Variants in KCNH1 observed in about 807,000 individuals in gnomAD.
The protein encoded by KCNH1 is potassium voltage-gated channel subfamily H member 1.
In KCNH1, 27 loss-of-function variants were observed where a neutral mutation model predicts 69.2. The ratio of observed to expected loss-of-function variants is 0.39; its 90% CI spans 0.29 to 0.54. KCNH1 has a LOEUF of 0.54. Ranked by LOEUF, KCNH1 falls within the 20% of genes least tolerant of loss-of-function variation. The pLI is 0.68. For missense variants in KCNH1, 798 were observed against 1,261.6 expected (o/e 0.63, Z 5.57); for synonymous variants, 456 against 487.7 (o/e 0.93, Z 0.86).
At chr1:210,952,122 C>G (rs980356834) in intron 6 of KCNH1, among the ~76,000 whole-genome samples, 2 of 152,092 alleles carry the variant, frequency 1.3e-5, no homozygotes, top group Admixed American at 6.6e-5. Flanking sequence ...GTCTCTTTAC[C>G]TCCTCTCTCC....
chr1:211,131,470 A>G (rs1691874924), intron 1 of KCNH1, among the ~76,000 whole-genome samples: 1 of 152,192 alleles, frequency 6.6e-6, no homozygotes, highest in African/African-American at 2.4e-5. Flanking sequence ...GATCTGTAAA[A>G]GAGGAACATT....
rs143160853 is a variant in KCNH1 at position 211,126,303 on chromosome 1, G to A, written c.79+7564C>T. 2.1e-3 allele frequency among the ~76,000 whole-genome samples: 315 copies of A among 152,290 alleles called. 6 individuals are homozygous for A. Among genetic ancestry groups the A allele is most frequent in the Non-Finnish European group, 8.5e-4 (58 of 68,026 alleles). On this transcript the variant is annotated intron_variant, in intron 1 of 10. Coordinates refer to ENST00000271751, the MANE Select transcript of KCNH1 (RefSeq NM_172362.3). ...AGGCGGGCGGATCACAAGATCAGGA[G>A]ATCAAGACCATCCTGGCTAACACAG...
chr1:210,860,708 TA>T, intron 7 of KCNH1: 2 of 777,160 alleles, frequency 2.6e-6, no homozygotes, highest in Non-Finnish European at 4.7e-6. Context: ...TGATTGCTGA[TA>T]AATACTTGAA....
intron 10 of KCNH1, among the ~76,000 whole-genome samples, chr1:210,768,855 T>C (rs1348753359): frequency 1.3e-5 from 2 of 152,106 alleles, no homozygotes; most frequent in Non-Finnish European, 2.9e-5. Flanking sequence ...GTTCTCGGGG[T>C]ACTGGGGAAC....
intron 5 of KCNH1, among the ~76,000 whole-genome samples, chr1:211,037,492 CTT>C (rs59386390): frequency 0.26 from 30,294 of 114,762 alleles, 3,391 homozygotes; most frequent in Non-Finnish European, 0.29. Flanking sequence ...TAATTCAGTG[CTT>C]TTTTTTTTTT....
At chr1:210,736,549 C>T (rs771396531) in intron 10 of KCNH1, among the ~76,000 whole-genome samples, 2 of 151,554 alleles carry the variant, frequency 1.3e-5, no homozygotes, top group Non-Finnish European at 2.9e-5. Context: ...ATCCCCCCTC[C>T]AAAAAAAAAT....
intron 8 of KCNH1, 80 bp from the exon 9 acceptor site, chr1:210,797,840 G>A: frequency 6.6e-7 from 1 of 1,508,630 alleles, no homozygotes; most frequent in Non-Finnish European, 9.0e-7. Flanking sequence ...CTAGGGGGAG[G>A]AGCAACATCC....
intron 7 of KCNH1, among the ~76,000 whole-genome samples, chr1:210,840,091 T>A (rs1238880899): frequency 6.6e-6 from 1 of 152,166 alleles, no homozygotes; most frequent in Non-Finnish European, 1.5e-5. Context: ...TTTAATTTTC[T>A]CAGTCTATGA....
chr1:210,818,058 C>T (rs1415474003), intron 7 of KCNH1, among the ~76,000 whole-genome samples: 2 of 152,136 alleles, frequency 1.3e-5, no homozygotes, highest in African/African-American at 4.8e-5. Flanking sequence ...GATCTATGCT[C>T]TGCTGCTTTT....
intron 10 of KCNH1, among the ~76,000 whole-genome samples, chr1:210,720,863 C>T (rs1461072695): frequency 2.0e-5 from 3 of 152,152 alleles, no homozygotes; most frequent in African/African-American, 7.2e-5. Flanking sequence ...TGGGCCTCCT[C>T]ACAGGGTAGT....
At chr1:210,716,335 G>A (rs145830668) in intron 10 of KCNH1, among the ~76,000 whole-genome samples, 1,659 of 150,694 alleles carry the variant, frequency 0.011, 32 homozygotes, top group African/African-American at 0.039. Flanking sequence ...GGGAGGCTGA[G>A]GCAGGAGAAT....
chr1:210,944,542 G>C (rs1432837209), intron 6 of KCNH1, among the ~76,000 whole-genome samples: 1 of 152,158 alleles, frequency 6.6e-6, no homozygotes, highest in Non-Finnish European at 1.5e-5. Flanking sequence ...CTTTGGATCA[G>C]GAGGGGACCC....
In KCNH1 at chr1:211,113,982, A is replaced by T. The variant is rs1197656532; in HGVS notation, c.80-6605T>A. 1.5e-3 allele frequency among the ~76,000 whole-genome samples: 219 copies of T among 149,146 alleles called. 2 individuals carry two copies. The highest frequency in any genetic ancestry group is 4.5e-3 in the African/African-American group (184 of 41,140). On this transcript the variant is annotated intron_variant, in intron 1 of 10. Coordinates refer to ENST00000271751, the MANE Select transcript of KCNH1 (RefSeq NM_172362.3). ...CTCTCTCTCTCTCTCTCTCACACAC[A>T]CACACACACACACACACACACATAC...
At chr1:210,939,399 A>T (rs1316205302) in intron 6 of KCNH1, among the ~76,000 whole-genome samples, 1 of 152,180 alleles carries the variant, frequency 6.6e-6, no homozygotes, top group Non-Finnish European at 1.5e-5. Context: ...CTCTTCACTG[A>T]GATGTTAGCA....
At chr1:210,988,890 A>T (rs1251474896) in intron 6 of KCNH1, among the ~76,000 whole-genome samples, 1 of 152,236 alleles carries the variant, frequency 6.6e-6, no homozygotes, top group Non-Finnish European at 1.5e-5. Flanking sequence ...AAGCAAATAA[A>T]TTTCATTCAC....
chr1:210,876,989 C>A (rs930874250), intron 7 of KCNH1, among the ~76,000 whole-genome samples: 2 of 151,578 alleles, frequency 1.3e-5, no homozygotes, highest in African/African-American at 4.9e-5. Flanking sequence ...ACCGCTCAGC[C>A]TCAGAGATAA....
chr1:210,705,948 G>A (rs1681903520), intron 10 of KCNH1, among the ~76,000 whole-genome samples: 1 of 152,154 alleles, frequency 6.6e-6, no homozygotes, highest in South Asian at 2.1e-4. Context: ...AGAGCCAGGT[G>A]ATATTTGCAT....
At chr1:211,066,343 A>C (rs2102453670) in intron 5 of KCNH1, among the ~76,000 whole-genome samples, 1 of 152,272 alleles carries the variant, frequency 6.6e-6, no homozygotes, top group South Asian at 2.1e-4. Context: ...CGGGACCAAA[A>C]ATTCTGGATG....
chr1:210,916,408 T>A (rs887107971), intron 7 of KCNH1, among the ~76,000 whole-genome samples: 1 of 152,126 alleles, frequency 6.6e-6, no homozygotes, highest in Non-Finnish European at 1.5e-5. Flanking sequence ...GTCCCCTGAG[T>A]CTGCACCATA....
Sources: gnomAD v4.1 joint callset for allele counts (sites outside exome capture counted in the v4.1 genomes callset) on GRCh38, gnomAD v4.1.1 for gene constraint, MANE v1.5 for transcripts, NCBI Gene and HGNC (gene_info 2026-07-23, HGNC 2026-07-21) for gene names.